The following CAMK1D variants were observed in gnomAD, a reference collection of about 807,000 sequenced individuals.
CAMK1D encodes calcium/calmodulin-dependent protein kinase type 1D.
A neutral mutation model predicts 47.7 loss-of-function variants in CAMK1D; 9 were observed. That is an observed-to-expected ratio of 0.19 (90% CI 0.11 to 0.33). CAMK1D has a LOEUF of 0.33. Ranked by LOEUF, CAMK1D falls within the 10% of genes least tolerant of loss-of-function variation. CAMK1D has a pLI of 1.00. For missense variants in CAMK1D, 291 were observed against 488.7 expected (o/e 0.60, Z 3.81); for synonymous variants, 184 against 184.9 (o/e 0.99, Z 0.04).
At chr10:12,808,129 T>A (rs915024549) in intron 6 of CAMK1D, among the ~76,000 whole-genome samples, 2 of 152,164 alleles carry the variant, frequency 1.3e-5, no homozygotes, top group Admixed American at 6.5e-5. Context: ...CACCTGTTTC[T>A]CCCGTAAAAT....
At chr10:12,575,368 G>A (rs529477519) in intron 2 of CAMK1D, among the ~76,000 whole-genome samples, 2 of 152,286 alleles carry the variant, frequency 1.3e-5, no homozygotes, top group East Asian at 1.9e-4. Context: ...TGGGATTACA[G>A]GTGTGAGCCA....
intron 5 of CAMK1D, 46 bp from the exon 6 acceptor site, chr10:12,791,112 A>C: frequency 6.3e-7 from 1 of 1,580,282 alleles, no homozygotes. Flanking sequence ...CTTCAGTCCG[A>C]GGCATGTAAA....
At chr10:12,535,453 T>A (rs921707275) in intron 1 of CAMK1D, among the ~76,000 whole-genome samples, 1 of 152,216 alleles carries the variant, frequency 6.6e-6, no homozygotes, top group African/African-American at 2.4e-5. Flanking sequence ...AAGTGGTGTG[T>A]TCTCCTCATG....
Position 12,526,291 on chromosome 10 carries a change from G to A in CAMK1D, c.93-26934G>A, listed in dbSNP as rs564221963. Among the ~76,000 whole-genome samples, 147 of 152,342 alleles carry A rather than the reference G, an allele frequency of 9.6e-4. 1 individual carries two copies. The highest frequency in any genetic ancestry group is 3.4e-3 in the African/African-American group (141 of 41,576). ...TCTGCCCCACATACACACTTTTCAG[G>A]AGTTAGTATGGGACTTACGTGGTTC... is the stretch of plus-strand genomic sequence containing the variant. On this transcript the variant is annotated intron_variant, in intron 1 of 10. Transcript: ENST00000619168.
intron 2 of CAMK1D, among the ~76,000 whole-genome samples, chr10:12,611,604 T>TC (rs1838624934): frequency 7.7e-6 from 1 of 129,538 alleles, no homozygotes; most frequent in Non-Finnish European, 1.7e-5. Context: ...TTTTTTTTTT[T>TC]TTTTTGAGAC....
intron 6 of CAMK1D, among the ~76,000 whole-genome samples, chr10:12,811,565 T>C (rs955864082): frequency 2.6e-5 from 4 of 152,190 alleles, no homozygotes; most frequent in African/African-American, 9.6e-5. Flanking sequence ...ATAAACACAA[T>C]ATCCTATAAT....
At chr10:12,688,747 C>T (rs1832754730) in intron 3 of CAMK1D, among the ~76,000 whole-genome samples, 1 of 152,088 alleles carries the variant, frequency 6.6e-6, no homozygotes. Context: ...TGCAATGGCG[C>T]GATCTCAGCT....
At chr10:12,678,799 CAG>C (rs1216069926) in intron 3 of CAMK1D, among the ~76,000 whole-genome samples, 1 of 151,600 alleles carries the variant, frequency 6.6e-6, no homozygotes, top group Non-Finnish European at 1.5e-5. Context: ...TTTTTTGAGA[CAG>C]AGTCTCACAC....
intron 6 of CAMK1D, among the ~76,000 whole-genome samples, chr10:12,796,525 C>G (rs919993719): frequency 6.6e-6 from 1 of 152,170 alleles, no homozygotes; most frequent in East Asian, 1.9e-4. Context: ...GTTCCCATCC[C>G]TTTGAGCAAT....
At position 12,781,556 on chromosome 10, in the gene CAMK1D, C is replaced by T. The variant is rs934038334; in HGVS notation, c.566-9602C>T. ...CCAGCTCAGATGAGAATGGTAATTA[C>T]ATACCAGTATGGTGCTTTCATGGGG... is the stretch of plus-strand genomic sequence containing the variant. On this transcript the variant is annotated intron_variant, in intron 5 of 10. Coordinates refer to ENST00000619168, the MANE Select transcript of CAMK1D (RefSeq NM_153498.4). Among the ~76,000 whole-genome samples, 5 of 152,186 alleles carry T rather than the reference C, an allele frequency of 3.3e-5. No homozygotes were observed. In the East Asian group the frequency reaches 9.6e-4, roughly 29 times the overall value.
intron 1 of CAMK1D, among the ~76,000 whole-genome samples, chr10:12,363,654 T>C (rs371508185): frequency 4.0e-5 from 6 of 151,484 alleles, no homozygotes; most frequent in South Asian, 4.2e-4. Context: ...ACACAGTTTT[T>C]GTTTCCTAAG....
chr10:12,373,809 T>C (rs1018366576), intron 1 of CAMK1D, among the ~76,000 whole-genome samples: 2 of 146,002 alleles, frequency 1.4e-5, no homozygotes, highest in African/African-American at 5.1e-5. Flanking sequence ...ATGCGGTGGC[T>C]CACGCCTGTA....
At chr10:12,389,572 T>C (rs1838649210) in intron 1 of CAMK1D, among the ~76,000 whole-genome samples, 1 of 152,066 alleles carries the variant, frequency 6.6e-6, no homozygotes, top group South Asian at 2.1e-4. Context: ...CCTTGCTTCC[T>C]TCCCTACTCA....
intron 3 of CAMK1D, among the ~76,000 whole-genome samples, chr10:12,679,772 C>T (rs763787492): frequency 3.1e-4 from 47 of 152,228 alleles, no homozygotes; most frequent in Middle Eastern, 3.4e-3. Context: ...CCTCATAATC[C>T]GACCCAGGCT....
intron 3 of CAMK1D, among the ~76,000 whole-genome samples, chr10:12,696,728 A>G (rs1833313533): frequency 6.6e-6 from 1 of 152,228 alleles, no homozygotes; most frequent in African/African-American, 2.4e-5. Context: ...TCTTCATTGT[A>G]TTTGGAAGCC....
intron 3 of CAMK1D, among the ~76,000 whole-genome samples, chr10:12,668,141 A>G (rs1353224945): frequency 6.6e-6 from 1 of 152,158 alleles, no homozygotes; most frequent in African/African-American, 2.4e-5. Flanking sequence ...TTTTTCCTAG[A>G]GAGAGCTAGT....
intron 1 of CAMK1D, among the ~76,000 whole-genome samples, chr10:12,515,357 C>T (rs1044886494): frequency 2.7e-5 from 4 of 150,660 alleles, no homozygotes; most frequent in Non-Finnish European, 5.9e-5. Flanking sequence ...CCCGAAGCCT[C>T]GGCAGCCTTT....
chr10:12,380,916 A>G (rs1304883971), intron 1 of CAMK1D, among the ~76,000 whole-genome samples: 3 of 152,184 alleles, frequency 2.0e-5, no homozygotes, highest in Non-Finnish European at 4.4e-5. Flanking sequence ...AGGCTCACAC[A>G]TTTAGTAATG....
intron 2 of CAMK1D, among the ~76,000 whole-genome samples, chr10:12,605,522 CAG>C (rs767238782): frequency 2.6e-5 from 4 of 152,256 alleles, no homozygotes; most frequent in African/African-American, 9.6e-5. Flanking sequence ...CCAGGCCACT[CAG>C]GGGCCCACTC....
Sources: gnomAD v4.1 joint callset for allele counts (sites outside exome capture counted in the v4.1 genomes callset) on GRCh38, gnomAD v4.1.1 for gene constraint, MANE v1.5 for transcripts, NCBI Gene and HGNC (gene_info 2026-07-23, HGNC 2026-07-21) for gene names.